SEMA6D: variants seen among roughly 807,000 people sequenced by gnomAD.
The protein encoded by SEMA6D is semaphorin 6D, also known as semaphorin-6D.
In SEMA6D, 35 loss-of-function variants were observed where a neutral mutation model predicts 106.6. The observed-to-expected ratio is 0.33, with a 90% CI of 0.25 to 0.44. SEMA6D has a LOEUF of 0.44. Among genes scored for constraint, SEMA6D ranks in the 20% least tolerant of loss-of-function variants. SEMA6D has a pLI of 1.00. For synonymous variants in SEMA6D, 499 were observed against 487.7 expected (o/e 1.02, Z -0.31); for missense variants, 1,185 against 1,345.9 (o/e 0.88, Z 1.87).
At chr15:47,662,844 T>C (rs939066500) in intron 4 of SEMA6D, among the ~76,000 whole-genome samples, 1 of 134,842 alleles carries the variant, frequency 7.4e-6, no homozygotes, top group Non-Finnish European at 1.6e-5. Context: ...TCATTATTCA[T>C]GCGTGTATGA....
chr15:47,413,170 C>T (rs1404230752), intron 2 of SEMA6D, among the ~76,000 whole-genome samples: 1 of 152,008 alleles, frequency 6.6e-6, no homozygotes. Flanking sequence ...ATACTCCCTC[C>T]CTTAAATCTG....
At chr15:47,206,416 C>A (rs11853430) in intron 1 of SEMA6D, among the ~76,000 whole-genome samples, 1 of 151,910 alleles carries the variant, frequency 6.6e-6, no homozygotes, top group Non-Finnish European at 1.5e-5. Flanking sequence ...CAGTTGAAGG[C>A]AGAGCCAGGA....
intron 1 of SEMA6D, among the ~76,000 whole-genome samples, chr15:47,217,968 T>G (rs938214895): frequency 1.3e-5 from 2 of 151,774 alleles, no homozygotes; most frequent in Non-Finnish European, 2.9e-5. Flanking sequence ...AAGGAAGGTA[T>G]CACTTTGAAG....
intron 3 of SEMA6D, among the ~76,000 whole-genome samples, chr15:47,576,476 A>G (rs1397935453): frequency 1.3e-5 from 2 of 152,180 alleles, no homozygotes; most frequent in African/African-American, 4.8e-5. Context: ...AATTTATCTC[A>G]GAACTTGGCT....
chr15:47,219,737 C>T (rs1048014270), intron 1 of SEMA6D, among the ~76,000 whole-genome samples: 1 of 152,180 alleles, frequency 6.6e-6, no homozygotes, highest in Admixed American at 6.5e-5. Flanking sequence ...CCCTCAAAAG[C>T]GGTGTTTGAA....
intron 3 of SEMA6D, among the ~76,000 whole-genome samples, chr15:47,557,821 G>A (rs1453508571): frequency 6.6e-6 from 1 of 152,124 alleles, no homozygotes; most frequent in Admixed American, 6.6e-5. Context: ...TAACTCTGCT[G>A]TTAGAACGGG....
At chr15:47,229,162 A>G (rs1049763999) in intron 1 of SEMA6D, among the ~76,000 whole-genome samples, 3 of 152,022 alleles carry the variant, frequency 2.0e-5, no homozygotes, top group Non-Finnish European at 4.4e-5. Flanking sequence ...CAGAACCTTC[A>G]TTTCAAACTA....
Position 47,224,172 on chromosome 15 carries a change from A to T in SEMA6D, c.-239+39754A>T, listed in dbSNP as rs184489591. ...TAAAGTATAATAATAAAAGAAAAAA[A>T]AATAATAAAATAAAATTAAATTTAA... On this transcript the variant is annotated intron_variant, in intron 1 of 19. Transcript: ENST00000558014. Among the ~76,000 whole-genome samples, 1,484 of 151,756 alleles carry T rather than the reference A, an allele frequency of 9.8e-3. 30 individuals carry two copies. Among genetic ancestry groups the T allele is most frequent in the African/African-American group, 0.034 (1,416 of 41,512 alleles).
At chr15:47,560,998 G>C (rs1274461702) in intron 3 of SEMA6D, among the ~76,000 whole-genome samples, 2 of 151,328 alleles carry the variant, frequency 1.3e-5, no homozygotes, top group African/African-American at 4.9e-5. Context: ...ATAAATTTCT[G>C]CTTAAATCAC....
intron 4 of SEMA6D, among the ~76,000 whole-genome samples, chr15:47,693,471 T>C (rs1385049165): frequency 2.0e-5 from 3 of 152,114 alleles, no homozygotes; most frequent in Non-Finnish European, 4.4e-5. Context: ...TGGCTAAATA[T>C]ATGAAAGTGA....
chr15:47,336,553 C>G (rs1386691087), intron 1 of SEMA6D, among the ~76,000 whole-genome samples: 1 of 152,080 alleles, frequency 6.6e-6, no homozygotes. Context: ...CTGAAGCTAC[C>G]CCTATGATCG....
At chr15:47,383,143 CACTT>C (rs924519329) in intron 1 of SEMA6D, among the ~76,000 whole-genome samples, 23 of 152,312 alleles carry the variant, frequency 1.5e-4, no homozygotes, top group African/African-American at 5.5e-4. Flanking sequence ...AGCCATCTGG[CACTT>C]ACAGCTTTGA....
chr15:47,511,218 T>C (rs1566844311), intron 3 of SEMA6D, among the ~76,000 whole-genome samples: 1 of 152,192 alleles, frequency 6.6e-6, no homozygotes, highest in Non-Finnish European at 1.5e-5. Flanking sequence ...TTTGGGGCAA[T>C]TCCTCATACT....
chr15:47,471,775 C>T (rs531983397), intron 3 of SEMA6D, among the ~76,000 whole-genome samples: 4 of 151,964 alleles, frequency 2.6e-5, no homozygotes, highest in Admixed American at 6.6e-5. Flanking sequence ...GGGAAGAGAG[C>T]GAGGCATGTC....
intron 3 of SEMA6D, among the ~76,000 whole-genome samples, chr15:47,572,787 AAAT>A: frequency 6.6e-6 from 1 of 152,334 alleles, no homozygotes; most frequent in East Asian, 1.9e-4. Flanking sequence ...TTTAAAAATA[AAAT>A]ATTTATTCAA....
chr15:47,728,784 C>G (rs1221440679), intron 1 of SEMA6D, among the ~76,000 whole-genome samples: 1 of 152,172 alleles, frequency 6.6e-6, no homozygotes, highest in Non-Finnish European at 1.5e-5. Flanking sequence ...CCTTTTCCTC[C>G]ATCTTCAAAG....
rs1256927682 is a variant in SEMA6D, at chr15:47,217,985, T to G, written c.-239+33567T>G. 3.3e-5 allele frequency among the ~76,000 whole-genome samples: 5 copies of G among 152,106 alleles called. No homozygotes were observed. In the East Asian group the frequency reaches 9.7e-4, roughly 30 times the overall value. ...GGAAGGTATCACTTTGAAGTCTATA[T>G]TAGTGGAAATTTTGTTTTCTGAGCA... On this transcript the variant is annotated intron_variant, in intron 1 of 19. Coordinates refer to the SEMA6D transcript ENST00000558014.
At chr15:47,335,458 T>C (rs1381501274) in intron 1 of SEMA6D, among the ~76,000 whole-genome samples, 4 of 152,116 alleles carry the variant, frequency 2.6e-5, no homozygotes, top group African/African-American at 9.7e-5. Context: ...CAACTCTCCC[T>C]ATAAATGCCA....
At chr15:47,571,813 G>A (rs1203546983) in intron 3 of SEMA6D, among the ~76,000 whole-genome samples, 3 of 152,056 alleles carry the variant, frequency 2.0e-5, no homozygotes, top group Non-Finnish European at 4.4e-5. Context: ...TCAAAATTTG[G>A]CTATACATGT....
Sources: gnomAD v4.1 joint callset for allele counts (sites outside exome capture counted in the v4.1 genomes callset) on GRCh38, gnomAD v4.1.1 for gene constraint, MANE v1.5 for transcripts, NCBI Gene and HGNC (gene_info 2026-07-23, HGNC 2026-07-21) for gene names.